AMPH: variants seen among roughly 807,000 people sequenced by gnomAD.
AMPH encodes amphiphysin (Stiff-Mann syndrome with breast cancer 128kD autoantigen).
In AMPH, 49 loss-of-function variants were observed where a neutral mutation model predicts 99.1. The ratio of observed to expected loss-of-function variants is 0.49; its 90% confidence interval spans 0.39 to 0.63. The LOEUF is 0.63. Among genes scored for constraint, AMPH ranks in the 20% least tolerant of loss-of-function variants. AMPH has a pLI of 0.00. For synonymous variants in AMPH, 314 were observed against 317.3 expected (o/e 0.99, Z 0.11); for missense variants, 759 against 863.4 (o/e 0.88, Z 1.52).
intron 1 of AMPH, among the ~76,000 whole-genome samples, chr7:38,580,518 G>A (rs994983625): frequency 7.2e-5 from 11 of 152,120 alleles, no homozygotes; most frequent in Non-Finnish European, 1.2e-4. Context: ...TCAAGCCTGG[G>A]GTCGCCAAAC....
At chr7:38,542,541 C>A (rs1199250418) in intron 1 of AMPH, among the ~76,000 whole-genome samples, 1 of 152,174 alleles carries the variant, frequency 6.6e-6, no homozygotes, top group South Asian at 2.1e-4. Context: ...TGTAAACATA[C>A]GTGACCACAA....
chr7:38,481,543 C>T (rs1788281129), intron 5 of AMPH, among the ~76,000 whole-genome samples: 1 of 152,142 alleles, frequency 6.6e-6, no homozygotes, highest in African/African-American at 2.4e-5. Flanking sequence ...TAACTGCTCA[C>T]AGCTGTAAGC....
intron 5 of AMPH, among the ~76,000 whole-genome samples, chr7:38,487,779 C>T (rs1211316389): frequency 6.6e-6 from 1 of 151,418 alleles, no homozygotes; most frequent in African/African-American, 2.4e-5. Flanking sequence ...ATCTATCTGA[C>T]AAAGGGCTAA....
chr7:38,600,632 G>A (rs1793213493), intron 1 of AMPH, among the ~76,000 whole-genome samples: 1 of 152,062 alleles, frequency 6.6e-6, no homozygotes, highest in South Asian at 2.1e-4. Flanking sequence ...TAGAAAGTAT[G>A]GTAATTTTCT....
chr7:38,560,831 C>G (rs1443193996), intron 1 of AMPH, among the ~76,000 whole-genome samples: 1 of 152,194 alleles, frequency 6.6e-6, no homozygotes, highest in African/African-American at 2.4e-5. Flanking sequence ...GGCCCATCCT[C>G]AGGGATGCTG....
chr7:38,587,952 G>A (rs370070406), intron 1 of AMPH, among the ~76,000 whole-genome samples: 42,154 of 149,530 alleles, frequency 0.28, 6,237 homozygotes, highest in Non-Finnish European at 0.34. Flanking sequence ...GTGTGTGTGC[G>A]CGTGTGTGTG....
chr7:38,405,277 A>G (rs1023551305), intron 17 of AMPH, among the ~76,000 whole-genome samples: 3 of 152,230 alleles, frequency 2.0e-5, no homozygotes, highest in Non-Finnish European at 4.4e-5. Flanking sequence ...AAGTTCACAC[A>G]TCCTATAAAG....
chr7:38,516,102 C>A (rs1789728647), intron 2 of AMPH, among the ~76,000 whole-genome samples: 1 of 152,196 alleles, frequency 6.6e-6, no homozygotes, highest in African/African-American at 2.4e-5. Context: ...AAATTTGCAG[C>A]CTGGCCATGT....
At chr7:38,474,561 A>T (rs976384040) in intron 7 of AMPH, among the ~76,000 whole-genome samples, 2 of 152,200 alleles carry the variant, frequency 1.3e-5, no homozygotes, top group Non-Finnish European at 2.9e-5. Flanking sequence ...TGTATATAGG[A>T]AGGCTTTAGA....
intron 2 of AMPH, among the ~76,000 whole-genome samples, chr7:38,520,629 C>T (rs112066455): frequency 3.3e-5 from 5 of 152,242 alleles, no homozygotes; most frequent in East Asian, 1.9e-4. Context: ...TAACAAATAA[C>T]GTACTACTGA....
At chr7:38,416,088 T>C (rs1192538332) in intron 17 of AMPH, among the ~76,000 whole-genome samples, 4 of 132,108 alleles carry the variant, frequency 3.0e-5, no homozygotes, top group Admixed American at 1.6e-4. Flanking sequence ...GTTTAAACAA[T>C]GATCAAACAT....
rs1028059909 is a variant in AMPH at position 38,587,918 on chromosome 7, G to C, written c.69+43365C>G. 6.8e-3 allele frequency among the ~76,000 whole-genome samples: 642 copies of C among 94,046 alleles called. 4 individuals carry two copies. The highest frequency in any genetic ancestry group is 0.016 in the African/African-American group (452 of 28,680). The allele number at this position is 94,046 out of a possible 152,430, so 61.7% of individuals were successfully genotyped here. On this transcript the variant is annotated intron_variant, in intron 1 of 20. Transcript: ENST00000356264. ...CTTTAAACAGCTTATTAATTACTGT[G>C]TGTGTGTGTGTGTGTGTGTGTGTGT...
intron 1 of AMPH, among the ~76,000 whole-genome samples, chr7:38,630,845 C>G (rs560499710): frequency 6.6e-6 from 1 of 152,360 alleles, no homozygotes; most frequent in South Asian, 2.1e-4. Context: ...TCTCCCGCCC[C>G]GATCTGCGGG....
At chr7:38,432,397 G>C (rs1254352612) in intron 12 of AMPH, among the ~76,000 whole-genome samples, 185 bp from the exon 13 acceptor site, 1 of 152,162 alleles carries the variant, frequency 6.6e-6, no homozygotes, top group African/African-American at 2.4e-5. Context: ...GTAGCCACCA[G>C]TCACATGTGG....
chr7:38,522,299 A>C (rs564068218), intron 2 of AMPH, among the ~76,000 whole-genome samples: 1 of 152,308 alleles, frequency 6.6e-6, no homozygotes, highest in South Asian at 2.1e-4. Flanking sequence ...TAGTACACTT[A>C]TATGTGTAAT....
intron 4 of AMPH, among the ~76,000 whole-genome samples, chr7:38,493,125 G>A (rs1220904474): frequency 6.6e-6 from 1 of 152,062 alleles, no homozygotes; most frequent in African/African-American, 2.4e-5. Flanking sequence ...TCAATGTCAG[G>A]GTGTCAGAAT....
At position 38,465,451 on chromosome 7, in the gene AMPH, A is replaced by G; in HGVS notation, c.749+16T>C. 1 of 1,562,512 alleles carries G rather than the reference A, an allele frequency of 6.4e-7. No homozygotes were observed. The highest frequency in any genetic ancestry group is 1.2e-5 in the South Asian group (1 of 85,072). On this transcript the variant is annotated intron_variant, in intron 9 of 20. Coordinates refer to ENST00000356264, the MANE Select transcript of AMPH (RefSeq NM_001635.4). ...CAAGCAGGACATTACAGGTGCTCCA[A>G]TGAGCAGGGGCCTACCTGGGCGCTC...
intron 1 of AMPH, among the ~76,000 whole-genome samples, chr7:38,587,935 TGTGTGTGTGTGTGTGCGC>T (rs559739159): frequency 2.4e-3 from 355 of 149,456 alleles, no homozygotes; most frequent in Non-Finnish European, 3.7e-3. Context: ...TGTGTGTGTG[TGTGTGTGTGTGTGTGCGC>T]GTGTGTGTGT....
chr7:38,587,287 G>A (rs1223556698), intron 1 of AMPH, among the ~76,000 whole-genome samples: 1 of 152,156 alleles, frequency 6.6e-6, no homozygotes, highest in African/African-American at 2.4e-5. Flanking sequence ...TGTTTCCTGG[G>A]GCAGGTGGGT....
Sources: allele counts gnomAD v4.1 joint callset (sites outside exome capture counted in the v4.1 genomes callset), GRCh38; gene constraint gnomAD v4.1.1; transcripts MANE v1.5; gene names NCBI Gene and HGNC (gene_info 2026-07-23, HGNC 2026-07-21).